The following PRC1 variants were observed in gnomAD, a reference collection of about 807,000 sequenced individuals.
The protein encoded by PRC1 is protein regulator of cytokinesis 1, also known as anaphase spindle elongation 1 homolog.
Under a neutral mutation model 91.2 loss-of-function variants are expected in PRC1, and 54 were observed. That is an observed-to-expected ratio of 0.59 (90% confidence interval 0.48 to 0.74). The LOEUF (loss-of-function observed/expected upper bound fraction) is 0.74, where lower values mean the gene tolerates loss of function less well. PRC1 is among the 30% of genes least tolerant of loss of function. The pLI, the probability that PRC1 is intolerant of heterozygous loss-of-function variation, is 0.00. For synonymous variants in PRC1, 275 were observed against 263.6 expected (o/e 1.04, Z -0.42); for missense variants, 727 against 746.2 (o/e 0.97, Z 0.30).
At position 90,974,873 on chromosome 15, in the gene PRC1, G is replaced by A. The variant is rs1316650132; in HGVS notation, c.1204-142C>T. 5 of 939,494 alleles carry A rather than the reference G, an allele frequency of 5.3e-6. No individual in the cohort carries two copies. The highest frequency in any genetic ancestry group is 2.3e-4 in the Middle Eastern group (1 of 4,382). 58.2% of individuals were successfully genotyped at this position (939,494 alleles called of 1,614,324 possible). ...GGTAGCTGGGCCCACATGGGTACAG[G>A]TCAGAGTGACCAGAAATCAAAGCCC... On this transcript the variant is annotated intron_variant, in intron 9 of 14. Transcript: ENST00000394249. This position sits in a 1 kb window ranked among gnomAD's most constrained non-coding sequence, Gnocchi z 4.6.
At chr15:90,981,181 A>G in intron 5 of PRC1, 148 bp from the exon 6 acceptor site, 1 of 1,072,702 alleles carries the variant, frequency 9.3e-7, no homozygotes, top group Non-Finnish European at 1.3e-6. Flanking sequence ...CCTAAACACG[A>G]GCTGTAAGGC....
In PRC1 at chr15:90,969,505, GCCGAGCCAGGGTACCCAC is replaced by G; in HGVS notation, c.1673_1690del (p.Gly558_Ser563del). 4 of 1,612,862 alleles carry G rather than the reference GCCGAGCCAGGGTACCCAC, an allele frequency of 2.5e-6. No homozygotes were observed. The highest frequency in any genetic ancestry group is 3.4e-6 in the Non-Finnish European group (4 of 1,179,306). On this transcript the variant is annotated inframe_deletion, in exon 13 of 15. Transcript: ENST00000394249. ...AATGCTGAAGTTGCGCTGGAGGGGGGCCGAGCCAGGGTACCCACCACTCAGGATGCTGCCGTTGAGCTC... is the reference window on the plus strand; with the variant it reads ...AATGCTGAAGTTGCGCTGGAGGGGGGCACTCAGGATGCTGCCGTTGAGCTC...
intron 7 of PRC1, 71 bp downstream of exon 7, chr15:90,980,171 A>C: frequency 1.4e-6 from 2 of 1,464,014 alleles, no homozygotes; most frequent in Non-Finnish European, 1.8e-6. Context: ...TAGGAACTTG[A>C]GACTAGGCTG....
chr15:90,982,232 A>G, intron 3 of PRC1: 1 of 545,428 alleles, frequency 1.8e-6, no homozygotes, highest in East Asian at 3.2e-5. Flanking sequence ...CATAAAATTT[A>G]CCATCTTAAC....
In PRC1 at chr15:90,980,729, C is replaced by T. The variant is rs146173287; in HGVS notation, c.822+155G>A. Among the ~76,000 whole-genome samples, 928 of 152,150 alleles carry T rather than the reference C, an allele frequency of 6.1e-3. 16 individuals carry two copies. The highest frequency in any genetic ancestry group is 0.021 in the African/African-American group (885 of 41,506). On this transcript the variant is annotated intron_variant, in intron 6 of 14. Coordinates refer to ENST00000394249, the MANE Select transcript of PRC1 (RefSeq NM_003981.4). ...CCATGTTGTCCAGGCTGGTCTCGAACTCCTGACCTCAAATGATTCACCTGC... is the reference window on the plus strand; with the variant it reads ...CCATGTTGTCCAGGCTGGTCTCGAATTCCTGACCTCAAATGATTCACCTGC...
At chr15:90,987,071 T>A (rs115309859) in intron 1 of PRC1, among the ~76,000 whole-genome samples, 1 of 149,544 alleles carries the variant, frequency 6.7e-6, no homozygotes, top group Non-Finnish European at 1.5e-5. Flanking sequence ...CCCAGGAGTT[T>A]CAGATCATTC....
chr15:90,987,152 A>G (rs1214609157), intron 1 of PRC1, among the ~76,000 whole-genome samples: 1 of 151,282 alleles, frequency 6.6e-6, no homozygotes, highest in Admixed American at 6.6e-5. Context: ...ACGGTGACGT[A>G]TGCCTATAGT....
Position 90,974,783 on chromosome 15 carries a change from C to T in PRC1, c.1204-52G>A. On this transcript the variant is annotated intron_variant, in intron 9 of 14. Transcript: ENST00000394249. The surrounding 1 kb of genome is among the most constrained non-coding windows in gnomAD (Gnocchi z 4.6). ...ATTACTTCAACTCTTTAGTGCAAAGCCCAAATGAAATGATTTCCCTAGAGA... is the reference window on the plus strand; with the variant it reads ...ATTACTTCAACTCTTTAGTGCAAAGTCCAAATGAAATGATTTCCCTAGAGA... 1 of 1,598,874 alleles carries T rather than the reference C, an allele frequency of 6.3e-7. No individual in the cohort carries two copies. The highest frequency in any genetic ancestry group is 8.6e-7 in the Non-Finnish European group (1 of 1,167,500).
At chr15:90,993,715 G>A (rs1379164720) in intron 1 of PRC1, among the ~76,000 whole-genome samples, 1 of 152,116 alleles carries the variant, frequency 6.6e-6, no homozygotes, top group Admixed American at 6.5e-5. Flanking sequence ...TCCATAATCC[G>A]TTTCTTAACT....
chr15:90,971,777 C>T (rs2038155463), intron 11 of PRC1, among the ~76,000 whole-genome samples: 4 of 151,950 alleles, frequency 2.6e-5, no homozygotes, highest in Admixed American at 2.6e-4. Flanking sequence ...CCTGTAATCC[C>T]AGCACTTTGG....
intron 9 of PRC1, among the ~76,000 whole-genome samples, chr15:90,976,354 G>A (rs548324456): frequency 6.6e-6 from 1 of 151,408 alleles, no homozygotes; most frequent in East Asian, 2.0e-4. Flanking sequence ...ATCAAGACCA[G>A]GCTGGTCTTG....
chr15:90,979,818 T>C (rs2039037918), intron 7 of PRC1, among the ~76,000 whole-genome samples: 2 of 152,172 alleles, frequency 1.3e-5, no homozygotes, highest in Admixed American at 6.6e-5. Context: ...CCTCTTGACA[T>C]GAGGATGTGA....
At chr15:90,982,548 ACCAAC>A (rs1567198518) in intron 3 of PRC1, 1 of 153,404 alleles carries the variant, frequency 6.5e-6, no homozygotes. Flanking sequence ...GCAGTTTGAG[ACCAAC>A]CTGGCCAACA....
chr15:90,986,882 G>C (rs565151849), intron 1 of PRC1, among the ~76,000 whole-genome samples: 2 of 137,142 alleles, frequency 1.5e-5, no homozygotes, highest in Non-Finnish European at 3.0e-5. Context: ...AGTTGTAAGG[G>C]GAAGAGGAAG....
chr15:90,979,367 TC>T, intron 7 of PRC1, 73 bp from the exon 8 acceptor site: 1 of 1,486,884 alleles, frequency 6.7e-7, no homozygotes, highest in South Asian at 1.2e-5. Context: ...AATCCCCGAT[TC>T]CCTAAAATGG....
intron 1 of PRC1, among the ~76,000 whole-genome samples, chr15:90,993,921 T>TA (rs11311113): frequency 6.6e-5 from 10 of 151,138 alleles, no homozygotes; most frequent in South Asian, 2.1e-4. Flanking sequence ...TCCACAAAAA[T>TA]AAAAAAAAAG....
At chr15:90,991,221 G>C (rs2039964282) in intron 1 of PRC1, among the ~76,000 whole-genome samples, 1 of 151,444 alleles carries the variant, frequency 6.6e-6, no homozygotes, top group Non-Finnish European at 1.5e-5. Flanking sequence ...CTCGAGACCA[G>C]CCTGGCCAAC....
Position 90,984,632 on chromosome 15 carries a change from C to T in PRC1, c.144+61G>A, listed in dbSNP as rs541381489. On this transcript the variant is annotated intron_variant, in intron 2 of 14. Coordinates refer to ENST00000394249, the MANE Select transcript of PRC1 (RefSeq NM_003981.4). The surrounding 1 kb of genome is among the most constrained non-coding windows in gnomAD (Gnocchi z 5.1). Reference sequence around the variant, plus strand: ...CACATGTCCCTTCTGTATGCTATCTCGGGTGAGACACCAACATCCTTACCC... The same window carrying T: ...CACATGTCCCTTCTGTATGCTATCTTGGGTGAGACACCAACATCCTTACCC... 5.0e-5 allele frequency: 79 copies of T among 1,593,618 alleles called. No individual in the cohort carries two copies. The Middle Eastern group carries it at 1.4e-3, about 29-fold the overall frequency.
Position 90,973,929 on chromosome 15 carries a change from G to T in PRC1, c.1461+207C>A, listed in dbSNP as rs1057484269. On this transcript the variant is annotated intron_variant, in intron 11 of 14. Transcript: ENST00000394249. The stretch of plus-strand genomic sequence containing the variant: ...GAGGGAACTCAAGAGACCGGTGCTG[G>T]TGCAGGTCCTCTGTATGCTGAGTGC... 1.5e-5 allele frequency: 8 copies of T among 520,520 alleles called. No homozygotes were observed. In the African/African-American group the frequency reaches 1.6e-4, roughly 10 times the overall value. 32.2% of individuals were successfully genotyped at this position (520,520 alleles called of 1,614,324 possible).
Sources: gnomAD v4.1 joint callset for allele counts (sites outside exome capture counted in the v4.1 genomes callset) on GRCh38, gnomAD v4.1.1 for gene constraint, Gnocchi (gnomAD v3.1) non-coding constraint, MANE v1.5 for transcripts, NCBI Gene and HGNC (gene_info 2026-07-23, HGNC 2026-07-21) for gene names.